The following SDK1 variants were observed in gnomAD, a reference collection of about 807,000 sequenced individuals.
SDK1 encodes protein sidekick-1.
SDK1 carries 157 observed loss-of-function variants against 245.5 expected under a neutral mutation model. The observed-to-expected ratio is 0.64, with a 90% confidence interval of 0.56 to 0.73. The LOEUF (loss-of-function observed/expected upper bound fraction) is 0.73, where lower values mean the gene tolerates loss of function less well. Ranked by LOEUF, SDK1 falls within the 30% of genes least tolerant of loss-of-function variation. The probability of loss-of-function intolerance (pLI) is 0.00; values close to 1 mark genes in which losing one functional copy is unlikely to be tolerated. For synonymous variants in SDK1, 1,647 were observed against 1,278.5 expected (o/e 1.29, Z -6.15); for missense variants, 3,583 against 3,002.3 (o/e 1.19, Z -4.52).
intron 4 of SDK1, among the ~76,000 whole-genome samples, chr7:3,693,634 T>C (rs755896203): frequency 2.7e-4 from 41 of 152,194 alleles, no homozygotes; most frequent in Non-Finnish European, 5.9e-5. Context: ...ATAGTTTCTT[T>C]TTATTGTTTT....
intron 1 of SDK1, among the ~76,000 whole-genome samples, chr7:3,331,862 G>A (rs139261293): frequency 8.5e-5 from 13 of 152,172 alleles, no homozygotes; most frequent in African/African-American, 3.1e-4. Flanking sequence ...ACTTTTAAAG[G>A]TATTTTGATA....
intron 1 of SDK1, among the ~76,000 whole-genome samples, chr7:3,374,608 C>CT (rs1781308739): frequency 1.3e-5 from 2 of 151,962 alleles, no homozygotes; most frequent in East Asian, 3.9e-4. Flanking sequence ...TTTTCCAGTG[C>CT]TTTGAATAAG....
intron 1 of SDK1, among the ~76,000 whole-genome samples, chr7:3,388,062 A>G (rs1011025228): frequency 1.3e-5 from 2 of 152,204 alleles, no homozygotes; most frequent in African/African-American, 4.8e-5. Flanking sequence ...ATTTATGTTC[A>G]GATAGAAGGC....
chr7:3,592,770 C>A (rs1042714336), intron 1 of SDK1, among the ~76,000 whole-genome samples: 1 of 152,118 alleles, frequency 6.6e-6, no homozygotes, highest in African/African-American at 2.4e-5. Context: ...TATCGTAGCT[C>A]CAGAATCTGC....
At position 4,208,218 on chromosome 7, in the gene SDK1, A is replaced by G. The variant is rs769678255; in HGVS notation, c.5334A>G (p.Ile1778Met). The stretch of plus-strand genomic sequence containing the variant: ...GCCATACCAAGTACCTGGTCAGCAT[A>G]TCAGCCTTCAACGCCGCCGGAGATG... ...LTSHTKYLVS[I>M]SAFNAAGDGP... The change falls in exon 37 of 45, where the codon ATA (isoleucine) becomes ATG (methionine). Residue 1778 changes from isoleucine (I) to methionine (M), a missense_variant. By Grantham distance (10) the Ile-to-Met change is conservative. Coordinates refer to ENST00000404826, the MANE Select transcript of SDK1 (RefSeq NM_152744.4). 3 of 1,614,090 alleles carry G rather than the reference A, an allele frequency of 1.9e-6. No homozygotes were observed. The highest frequency in any genetic ancestry group is 1.7e-5 in the Admixed American group (1 of 60,022).
intron 44 of SDK1, 118 bp from the exon 45 acceptor site, chr7:4,265,006 G>A (rs1788365291): frequency 1.4e-6 from 2 of 1,460,272 alleles, no homozygotes; most frequent in Admixed American, 2.2e-5. Context: ...TGGGGAGAGG[G>A]CTGGAGACCG....
At chr7:3,983,349 G>C (rs1273185027) in intron 13 of SDK1, among the ~76,000 whole-genome samples, 1 of 152,122 alleles carries the variant, frequency 6.6e-6, no homozygotes, top group African/African-American at 2.4e-5. Flanking sequence ...TGTCTCGTTT[G>C]AAGAAATTGC....
In SDK1 at chr7:3,829,544, C is replaced by G. The variant is rs1310322757; in HGVS notation, c.847+7961C>G. 2.0e-5 allele frequency among the ~76,000 whole-genome samples: 3 copies of G among 152,310 alleles called. No homozygotes were observed. In the East Asian group the frequency reaches 5.8e-4, roughly 29 times the overall value. On this transcript the variant is annotated intron_variant, in intron 5 of 44. Transcript: ENST00000404826. ...ATAGTCAATGGGAAGTTTGAGGATTCAAGCCAAAGTTTATTTGTCCCCCTC... is the reference window on the plus strand; with the variant it reads ...ATAGTCAATGGGAAGTTTGAGGATTGAAGCCAAAGTTTATTTGTCCCCCTC...
intron 1 of SDK1, among the ~76,000 whole-genome samples, chr7:3,523,788 T>A (rs879447531): frequency 6.6e-6 from 1 of 152,238 alleles, no homozygotes; most frequent in Non-Finnish European, 1.5e-5. Context: ...GTTAATTTTT[T>A]AAATATTCTA....
intron 4 of SDK1, among the ~76,000 whole-genome samples, chr7:3,683,265 C>T (rs374672023): frequency 3.9e-5 from 6 of 152,086 alleles, no homozygotes; most frequent in African/African-American, 1.4e-4. Flanking sequence ...GATAACAGGA[C>T]CCAGCACATA....
chr7:3,672,794 T>TATATATATAA (rs1468918926), intron 4 of SDK1, among the ~76,000 whole-genome samples: 14 of 65,576 alleles, frequency 2.1e-4, no homozygotes, highest in Admixed American at 4.3e-4. Flanking sequence ...TATATATATA[T>TATATATATAA]AAAAAATACA....
chr7:3,987,970 C>T (rs950243376), intron 14 of SDK1, among the ~76,000 whole-genome samples: 1 of 151,968 alleles, frequency 6.6e-6, no homozygotes, highest in East Asian at 1.9e-4. Flanking sequence ...CGCATGCACT[C>T]CTGTGATTTT....
chr7:3,550,994 T>G (rs780184127), intron 1 of SDK1, among the ~76,000 whole-genome samples: 6 of 152,214 alleles, frequency 3.9e-5, no homozygotes, highest in Non-Finnish European at 8.8e-5. Flanking sequence ...CAGTGTTGAG[T>G]GAACTCAACC....
At chr7:3,521,486 G>A (rs1441229145) in intron 1 of SDK1, among the ~76,000 whole-genome samples, 1 of 152,134 alleles carries the variant, frequency 6.6e-6, no homozygotes, top group Non-Finnish European at 1.5e-5. Flanking sequence ...CAGACCATAA[G>A]CGTCATAGTC....
At chr7:3,517,381 G>C (rs1782787411) in intron 1 of SDK1, among the ~76,000 whole-genome samples, 2 of 151,986 alleles carry the variant, frequency 1.3e-5, no homozygotes, top group South Asian at 4.1e-4. Context: ...TTCCTCTTGA[G>C]CTATACCTTT....
intron 5 of SDK1, among the ~76,000 whole-genome samples, chr7:3,850,591 A>C (rs375964766): frequency 1.6e-3 from 246 of 152,286 alleles, no homozygotes; most frequent in African/African-American, 5.5e-3. Flanking sequence ...ACAATAGCAA[A>C]GACTTGGAAC....
rs1461093372 is a variant in SDK1 at position 4,026,676 on chromosome 7, T to A, written c.2602+9324T>A. On this transcript the variant is annotated intron_variant, in intron 17 of 44. Transcript: ENST00000404826. This position sits in a 1 kb window ranked among gnomAD's most constrained non-coding sequence, Gnocchi z 4.1. Reference sequence around the variant, plus strand: ...CATCAGAAAAGAAACTTGAGCTTATTTGTCAAAGGTTTGTTAACCTAATAA... The same window carrying A: ...CATCAGAAAAGAAACTTGAGCTTATATGTCAAAGGTTTGTTAACCTAATAA... Among the ~76,000 whole-genome samples the A allele has an allele frequency of 6.6e-6, 1 of 152,214 alleles. No homozygotes were observed. The highest frequency in any genetic ancestry group is 2.4e-5 in the African/African-American group (1 of 41,448).
intron 22 of SDK1, among the ~76,000 whole-genome samples, chr7:4,110,192 T>C (rs1029636301): frequency 1.3e-5 from 2 of 152,150 alleles, no homozygotes; most frequent in Non-Finnish European, 2.9e-5. Flanking sequence ...TGGTGTGTGT[T>C]TGGGGCAGAA....
intron 25 of SDK1, among the ~76,000 whole-genome samples, chr7:4,127,157 A>T (rs1286261055): frequency 6.6e-6 from 1 of 152,204 alleles, no homozygotes. Flanking sequence ...TGGTGGACTC[A>T]GGTAAAATTG....
Sources: gnomAD v4.1 joint callset for allele counts (sites outside exome capture counted in the v4.1 genomes callset) on GRCh38, gnomAD v4.1.1 for gene constraint, Gnocchi (gnomAD v3.1) non-coding constraint, MANE v1.5 for transcripts, NCBI Gene and HGNC (gene_info 2026-07-23, HGNC 2026-07-21) for gene names.